COL22A1: variants seen among roughly 807,000 people sequenced by gnomAD.
COL22A1 encodes the protein collagen alpha-1(XXII) chain.
A neutral mutation model predicts 248.9 loss-of-function variants in COL22A1; 221 were observed. The ratio of observed to expected loss-of-function variants is 0.89; its 90% confidence interval spans 0.80 to 0.99. The LOEUF is 0.99. COL22A1 is among the 50% of genes least tolerant of loss of function. COL22A1 has a pLI of 0.00. For synonymous variants in COL22A1, 891 were observed against 793.4 expected, an observed-to-expected ratio of 1.12 and a Z score of -2.07; for missense variants, 2,240 against 2,179.0, an observed-to-expected ratio of 1.03 and a Z score of -0.56.
intron 16 of COL22A1, among the ~76,000 whole-genome samples, chr8:138,770,095 G>A (rs1021572899): frequency 2.0e-5 from 3 of 152,132 alleles, no homozygotes; most frequent in Non-Finnish European, 4.4e-5. Context: ...CACTGGTGGA[G>A]GCCAACCAGG....
chr8:138,645,324 G>C (rs1408185147), intron 47 of COL22A1, among the ~76,000 whole-genome samples: 2 of 152,112 alleles, frequency 1.3e-5, no homozygotes, highest in East Asian at 3.9e-4. Context: ...TCCCATAAAG[G>C]GAGTCTCCCT....
intron 37 of COL22A1, among the ~76,000 whole-genome samples, chr8:138,686,111 G>A (rs2130862484): frequency 6.6e-6 from 1 of 152,272 alleles, no homozygotes; most frequent in South Asian, 2.1e-4. Flanking sequence ...CACTAAGTCT[G>A]TTCCCTGGAA....
intron 8 of COL22A1, among the ~76,000 whole-genome samples, chr8:138,812,569 C>A (rs1195997299): frequency 6.6e-6 from 1 of 152,128 alleles, no homozygotes; most frequent in African/African-American, 2.4e-5. Flanking sequence ...ATGTCCTGAC[C>A]TCCCTGTCTT....
At chr8:138,886,358 C>G (rs1333927488) in intron 1 of COL22A1, among the ~76,000 whole-genome samples, 1 of 151,932 alleles carries the variant, frequency 6.6e-6, no homozygotes, top group Admixed American at 6.6e-5. Context: ...GGCACAAAGC[C>G]CAGCACAGAA....
chr8:138,610,013 T>A (rs1337151770), intron 56 of COL22A1, among the ~76,000 whole-genome samples: 1 of 152,208 alleles, frequency 6.6e-6, no homozygotes, highest in African/African-American at 2.4e-5. Flanking sequence ...TCCAGGATGA[T>A]CTTTGTGACA....
chr8:138,901,566 C>T (rs1232132247), intron 1 of COL22A1, among the ~76,000 whole-genome samples: 1 of 151,860 alleles, frequency 6.6e-6, no homozygotes, highest in Non-Finnish European at 1.5e-5. Flanking sequence ...AGGGTTTCAC[C>T]ATGTTGCCTA....
At chr8:138,819,660 CATT>C (rs1185625695) in intron 7 of COL22A1, among the ~76,000 whole-genome samples, 3 of 147,096 alleles carry the variant, frequency 2.0e-5, no homozygotes, top group South Asian at 2.1e-4. Flanking sequence ...ATTAAATAAA[CATT>C]ATCTATATAA....
intron 63 of COL22A1, among the ~76,000 whole-genome samples, chr8:138,592,392 G>A (rs531375382): frequency 3.9e-5 from 6 of 152,226 alleles, no homozygotes; most frequent in South Asian, 2.1e-4. Context: ...GCTGGTTCAC[G>A]GGGACTTCAG....
At position 138,695,002 on chromosome 8, in the gene COL22A1, C is replaced by T. The variant is rs1587887848; in HGVS notation, c.2593-123G>A. 5 of 830,334 alleles carry T rather than the reference C, an allele frequency of 6.0e-6. No homozygotes were observed. In the East Asian group the frequency reaches 1.3e-4, roughly 22 times the overall value. 51.4% of individuals were successfully genotyped at this position (830,334 alleles called of 1,614,324 possible). A position where few individuals can be genotyped will look rare whatever the true frequency, so the allele number is the denominator to read the frequency against. The stretch of plus-strand genomic sequence containing the variant: ...GTCCTGTGTATCACCTGATAGGTCC[C>T]CACCCCCAAAGGCTGTTCCCTCTGC... On this transcript the variant is annotated intron_variant, in intron 32 of 64. Coordinates refer to ENST00000303045, the MANE Select transcript of COL22A1 (RefSeq NM_152888.3).
intron 31 of COL22A1, among the ~76,000 whole-genome samples, chr8:138,701,174 C>T (rs1827935003): frequency 6.6e-6 from 1 of 152,256 alleles, no homozygotes; most frequent in Admixed American, 6.5e-5. Context: ...TCCCTCTCCA[C>T]CATGCAAATA....
Position 138,878,028 on chromosome 8 carries a change from C to T in COL22A1, c.380G>A (p.Arg127His), listed in dbSNP as rs753278763. The part of the protein sequence containing the change: ...TGDALRYITA[R>H]SFSPHAGGRP... ...GCCGCCGGCGTGTGGGGAGAAGCTGCGGGCCGTGATGTAGCGGAGCGCGTC... is the reference window on the plus strand; with the variant it reads ...GCCGCCGGCGTGTGGGGAGAAGCTGTGGGCCGTGATGTAGCGGAGCGCGTC... The change falls in exon 3 of 65, where the codon CGC becomes CAC. Residue 127 changes from arginine (R) to histidine (H), a missense_variant. Arg to His is a conservative substitution (Grantham distance 29). Transcript: ENST00000303045. 4.4e-6 allele frequency: 7 copies of T among 1,590,454 alleles called. No individual in the cohort carries two copies. The highest frequency in any genetic ancestry group is 3.5e-5 in the Admixed American group (2 of 56,724).
chr8:138,780,954 AG>A lies in COL22A1; in HGVS notation c.1622del (p.Pro541LeufsTer9), dbSNP rs1563754947. ...TCATGCCTTTGCTGCCGTCTCTCCC[AG>A]GGGGGCCGGGCAGGCCCAGGGAACC... ...EKGSLGLPGP[P>X]GRDGSKGMRG... On this transcript the variant is annotated frameshift_variant, in exon 13 of 65. Transcript: ENST00000303045. LOFTEE classifies it high-confidence loss of function. 5 of 1,611,876 alleles carry A rather than the reference AG, an allele frequency of 3.1e-6. No homozygotes were observed. The highest frequency in any genetic ancestry group is 4.5e-5 in the East Asian group (2 of 44,850).
chr8:138,719,436 C>T (rs919664007), intron 27 of COL22A1, among the ~76,000 whole-genome samples: 2 of 152,112 alleles, frequency 1.3e-5, no homozygotes, highest in Non-Finnish European at 2.9e-5. Context: ...CTGAGTTCCT[C>T]GGATCTGGAA....
At chr8:138,909,289 C>A (rs1815262079) in intron 1 of COL22A1, among the ~76,000 whole-genome samples, 1 of 152,136 alleles carries the variant, frequency 6.6e-6, no homozygotes, top group South Asian at 2.1e-4. Context: ...AGAACTTATT[C>A]ATCTTGCATA....
rs377369794 is a variant in COL22A1 at position 138,646,767 on chromosome 8, G to A, written c.3448-85C>T. 40 of 963,380 alleles carry A rather than the reference G, an allele frequency of 4.2e-5. 1 individual carries two copies. Among genetic ancestry groups the A allele is most frequent in the East Asian group, 2.2e-4 (8 of 36,928 alleles). The allele number at this position is 963,380 out of a possible 1,614,324, so 59.7% of individuals were successfully genotyped here. ...GGGTCATCACCATGCCATCAGCCTC[G>A]TACCTCCCTTCACTGATTTTCCACT... On this transcript the variant is annotated intron_variant, in intron 46 of 64. Transcript: ENST00000303045.
At chr8:138,875,869 A>G (rs542192029) in intron 3 of COL22A1, among the ~76,000 whole-genome samples, 3 of 152,310 alleles carry the variant, frequency 2.0e-5, no homozygotes, top group South Asian at 4.1e-4. Context: ...TCCACAGCCA[A>G]TGCCTTGCAT....
In COL22A1 at chr8:138,901,204, TG is replaced by T. The variant is rs373338531; in HGVS notation, c.-73+12414del. On this transcript the variant is annotated intron_variant, in intron 1 of 64. Coordinates refer to ENST00000303045, the MANE Select transcript of COL22A1 (RefSeq NM_152888.3). Reference sequence around the variant, plus strand: ...AAAAAAAGCAAAGACTCCTCTTAGTTGGGGGACACTTGAACTGAGATCTGAT... The same window carrying T: ...AAAAAAAGCAAAGACTCCTCTTAGTTGGGGACACTTGAACTGAGATCTGAT... 3.8e-4 allele frequency among the ~76,000 whole-genome samples: 57 copies of T among 150,546 alleles called. 1 individual carries two copies. The East Asian group carries it at 9.1e-3, about 24-fold the overall frequency.
rs202192821 is a variant in COL22A1 at position 138,684,954 on chromosome 8, T to C, written c.2967+254A>G. 1.7e-3 allele frequency among the ~76,000 whole-genome samples: 260 copies of C among 152,274 alleles called. 5 individuals are homozygous for C. Among genetic ancestry groups the C allele is most frequent in the East Asian group, 0.013 (66 of 5,166 alleles). ...GGGGATGTGTTTGCCTGACTGTCTC[T>C]CCATGAGATGGGAGCATCTCCAGGG... On this transcript the variant is annotated intron_variant, in intron 38 of 64. Transcript: ENST00000303045.
intron 49 of COL22A1, among the ~76,000 whole-genome samples, 197 bp downstream of exon 49, chr8:138,634,813 A>G (rs961214996): frequency 1.3e-5 from 2 of 152,172 alleles, no homozygotes; most frequent in Non-Finnish European, 2.9e-5. Context: ...TGGTCCATCA[A>G]GCCTACTCCA....
Sources: allele counts gnomAD v4.1 joint callset (sites outside exome capture counted in the v4.1 genomes callset), GRCh38; gene constraint gnomAD v4.1.1; transcripts MANE v1.5; gene names NCBI Gene and HGNC (gene_info 2026-07-23, HGNC 2026-07-21).